ANKRD46: variants seen among roughly 807,000 people sequenced by gnomAD.
ANKRD46 encodes the protein ankyrin repeat domain 46.
ANKRD46 carries 13 observed loss-of-function variants against 19.8 expected under a neutral mutation model. The observed-to-expected ratio is 0.66, with a 90% CI of 0.43 to 1.04. ANKRD46 has a LOEUF of 1.04. ANKRD46 is among the 50% of genes least tolerant of loss of function. The pLI is 0.00. For synonymous variants in ANKRD46, 91 were observed against 106.9 expected (o/e 0.85, Z 0.92); for missense variants, 185 against 274.8 (o/e 0.67, Z 2.31).
At chr8:100,528,693 C>T (rs144115879) in intron 3 of ANKRD46, among the ~76,000 whole-genome samples, 33 of 152,212 alleles carry the variant, frequency 2.2e-4, no homozygotes, top group Middle Eastern at 3.4e-3. Context: ...GTTCACGCAG[C>T]TATTTAGCGC....
rs1812361729 is a variant in ANKRD46 at position 100,550,489 on chromosome 8, T to C, written c.-131+9222A>G. 1 of 155,450 alleles carries C rather than the reference T, an allele frequency of 6.4e-6. No individual in the cohort carries two copies. The highest frequency in any genetic ancestry group is 1.4e-5 in the Non-Finnish European group (1 of 70,650). The allele number at this position is 155,450 out of a possible 1,614,324, so 9.6% of individuals were successfully genotyped here. A position where few individuals can be genotyped will look rare whatever the true frequency, so the allele number is the denominator to read the frequency against. ...CTGTGATGAGGTGTCCATTAAGATC[T>C]TTGGCTCATTTTTAAAATCAGGTTG... On this transcript the variant is annotated intron_variant, in intron 1 of 4. Transcript: ENST00000335659. The surrounding 1 kb of genome is among the most constrained non-coding windows in gnomAD (Gnocchi z 4.4).
intron 3 of ANKRD46, 128 bp from the exon 4 acceptor site, chr8:100,528,131 T>G: frequency 2.3e-4 from 217 of 946,728 alleles, no homozygotes; most frequent in Middle Eastern, 3.6e-4. Flanking sequence ...TGGGCCCAAT[T>G]AGGGCCTACC....
chr8:100,557,915 T>C lies in ANKRD46; in HGVS notation c.-131+1796A>G, dbSNP rs1812532772. On this transcript the variant is annotated intron_variant, in intron 1 of 4. Coordinates refer to ENST00000335659, the MANE Select transcript of ANKRD46 (RefSeq NM_001270377.2). The surrounding 1 kb of genome is among the most constrained non-coding windows in gnomAD (Gnocchi z 5.9). ...CTTTATTTTTATTCCTAGTAACTGTTACCATCTGACTCCAGATACGTTAAC... is the reference window on the plus strand; with the variant it reads ...CTTTATTTTTATTCCTAGTAACTGTCACCATCTGACTCCAGATACGTTAAC... Among the ~76,000 whole-genome samples the C allele has an allele frequency of 6.6e-6, 1 of 152,188 alleles. No individual in the cohort carries two copies. The highest frequency in any genetic ancestry group is 2.1e-4 in the South Asian group (1 of 4,828).
chr8:100,530,480 T>G (rs1324419959), intron 2 of ANKRD46, among the ~76,000 whole-genome samples: 2 of 151,256 alleles, frequency 1.3e-5, no homozygotes, highest in Non-Finnish European at 2.9e-5. Flanking sequence ...ATCTCCCGAG[T>G]TCAAGCGATT....
rs1399059540 is a variant in ANKRD46, at chr8:100,529,365, C to T, written c.311+158G>A. ...AAAATCTAGAAGTCAGCCCCTCATTCCCTCACTTGCCTAACAGGATTACAC... is the reference window on the plus strand; with the variant it reads ...AAAATCTAGAAGTCAGCCCCTCATTTCCTCACTTGCCTAACAGGATTACAC... On this transcript the variant is annotated intron_variant, in intron 3 of 4. Transcript: ENST00000335659. This position sits in a 1 kb window ranked among gnomAD's most constrained non-coding sequence, Gnocchi z 5.8. 6.6e-6 allele frequency among the ~76,000 whole-genome samples: 1 copy of T among 152,208 alleles called. No homozygotes were observed. Among genetic ancestry groups the T allele is most frequent in the Non-Finnish European group, 1.5e-5 (1 of 68,034 alleles).
chr8:100,513,683 C>T (rs1811584045), intron 5 of ANKRD46, among the ~76,000 whole-genome samples: 1 of 152,140 alleles, frequency 6.6e-6, no homozygotes, highest in Admixed American at 6.5e-5. Context: ...AATATGACTG[C>T]CTTTCCCCCA....
In ANKRD46 at chr8:100,537,159, A is replaced by G. The variant is rs1563486877; in HGVS notation, c.-130-3848T>C. ...ATAATAGTATTCTTAATGGTTAAGG[A>G]CTAATGGAGAGAATATATATACTTA... is the stretch of plus-strand genomic sequence containing the variant. On this transcript the variant is annotated intron_variant, in intron 1 of 4. Transcript: ENST00000335659. The surrounding 1 kb of genome is among the most constrained non-coding windows in gnomAD (Gnocchi z 4.2). Among the ~76,000 whole-genome samples the G allele has an allele frequency of 1.3e-5, 2 of 152,208 alleles. No individual in the cohort carries two copies. The highest frequency in any genetic ancestry group is 2.9e-5 in the Non-Finnish European group (2 of 68,030).
chr8:100,555,272 A>AT (rs1812470681), intron 1 of ANKRD46, among the ~76,000 whole-genome samples: 1 of 151,872 alleles, frequency 6.6e-6, no homozygotes. Context: ...TAAAAAAAAA[A>AT]CCAAAAGAAA....
At position 100,550,730 on chromosome 8, in the gene ANKRD46, CTT is replaced by C. The variant is rs1340582859; in HGVS notation, c.-131+8979_-131+8980del. The C allele has an allele frequency of 2.4e-5, 10 of 409,352 alleles. No individual in the cohort carries two copies. The highest frequency in any genetic ancestry group is 3.8e-5 in the Non-Finnish European group (8 of 211,408). The allele number at this position is 409,352 out of a possible 1,614,324, so 25.4% of individuals were successfully genotyped here. On this transcript the variant is annotated intron_variant, in intron 1 of 4. Coordinates refer to ENST00000335659, the MANE Select transcript of ANKRD46 (RefSeq NM_001270377.2). This position sits in a 1 kb window ranked among gnomAD's most constrained non-coding sequence, Gnocchi z 4.4. ...GGCTGGTTGTCGAGCAGTCTTACTC[CTT>C]GGAGGCCATATGGGCCACCACCCTG...
downstream of ANKRD46, among the ~76,000 whole-genome samples, chr8:100,519,849 C>A (rs1197019134): frequency 6.6e-6 from 1 of 151,902 alleles, no homozygotes; most frequent in Non-Finnish European, 1.5e-5. Flanking sequence ...CAGCTTGTTG[C>A]GGGGGATGCA....
At chr8:100,542,505 T>C (rs1008702365) in intron 1 of ANKRD46, among the ~76,000 whole-genome samples, 1 of 152,050 alleles carries the variant, frequency 6.6e-6, no homozygotes, top group Admixed American at 6.6e-5. Context: ...AGACCCTTGG[T>C]AGAAAGGGAA....
chr8:100,551,893 T>C (rs1005229005), intron 1 of ANKRD46, among the ~76,000 whole-genome samples: 3 of 152,208 alleles, frequency 2.0e-5, no homozygotes, highest in Non-Finnish European at 2.9e-5. Context: ...CTCACACCTA[T>C]AATCCCAGCA....
rs1010102592 is a variant in ANKRD46, at chr8:100,521,530, C to T, written c.*1025G>A. On this transcript the variant is annotated 3_prime_UTR_variant, in exon 5 of 5. Transcript: ENST00000335659. The stretch of plus-strand genomic sequence containing the variant: ...AGAGTTTATGACACCCAGTACGATA[C>T]TGTCCAGCACTGTTAACTCAGAAAT... The T allele has an allele frequency of 7.1e-6, 7 of 985,314 alleles. No homozygotes were observed. The African/African-American group carries it at 1.2e-4, about 17-fold the overall frequency. The allele number at this position is 985,314 out of a possible 1,614,324, so 61.0% of individuals were successfully genotyped here. A position where few individuals can be genotyped will look rare whatever the true frequency, so the allele number is the denominator to read the frequency against.
Position 100,522,981 on chromosome 8 carries a change from T to A in ANKRD46, c.471-210A>T, listed in dbSNP as rs1189295795. 3.3e-5 allele frequency among the ~76,000 whole-genome samples: 5 copies of A among 151,778 alleles called. No individual in the cohort carries two copies. The East Asian group carries it at 9.7e-4, about 29-fold the overall frequency. On this transcript the variant is annotated intron_variant, in intron 4 of 4. Transcript: ENST00000335659. ...TAAACTGTAAATTGCTAAATGGTAATGAGTATGTTTCTCTTGGTTTAGAAT... is the reference window on the plus strand; with the variant it reads ...TAAACTGTAAATTGCTAAATGGTAAAGAGTATGTTTCTCTTGGTTTAGAAT...
In ANKRD46 at chr8:100,527,890, C is replaced by A. The variant is rs772822860; in HGVS notation, c.425G>T (p.Gly142Val). 6.2e-7 allele frequency: 1 copy of A among 1,613,458 alleles called. No homozygotes were observed. Among genetic ancestry groups the A allele is most frequent in the South Asian group, 1.1e-5 (1 of 91,042 alleles). ...CATGGTCTCCAGTTTCGAGTGGGTTCCTCTGTTAAATCCTTTCACCTCCTG... is the reference window on the plus strand; with the variant it reads ...CATGGTCTCCAGTTTCGAGTGGGTTACTCTGTTAAATCCTTTCACCTCCTG... The part of the protein sequence containing the change: ...EEQEVKGFNR[G>V]THSKLETMQT... The change falls in exon 4 of 5, where the codon GGA becomes GTA. Residue 142 changes from glycine to valine, a missense_variant. Transcript: ENST00000335659. This position sits in a 1 kb window ranked among gnomAD's most constrained non-coding sequence, Gnocchi z 4.0.
chr8:100,552,653 T>C (rs1438991928), intron 1 of ANKRD46, among the ~76,000 whole-genome samples: 1 of 152,206 alleles, frequency 6.6e-6, no homozygotes, highest in Non-Finnish European at 1.5e-5. Flanking sequence ...ACCAGTCCAA[T>C]AAAACTCTTT....
At chr8:100,516,626 G>T (rs902069648), downstream of ANKRD46, among the ~76,000 whole-genome samples, 1 of 152,128 alleles carries the variant, frequency 6.6e-6, no homozygotes, top group African/African-American at 2.4e-5. Flanking sequence ...TCATAATGAC[G>T]TACATTACAG....
chr8:100,550,925 G>T lies in ANKRD46; in HGVS notation c.-131+8786C>A. ...CCAAGATGCCCTTGAGGGGCCCTCT[G>T]ACGCCTGCTTCACCACCTTTTTGAT... On this transcript the variant is annotated intron_variant, in intron 1 of 4. Coordinates refer to ENST00000335659, the MANE Select transcript of ANKRD46 (RefSeq NM_001270377.2). The surrounding 1 kb of genome is among the most constrained non-coding windows in gnomAD (Gnocchi z 4.4). The T allele has an allele frequency of 1.7e-6, 1 of 602,330 alleles. No homozygotes were observed. The highest frequency in any genetic ancestry group is 4.3e-5 in the East Asian group (1 of 23,408). The allele number at this position is 602,330 out of a possible 1,614,324, so 37.3% of individuals were successfully genotyped here.
intron 5 of ANKRD46, among the ~76,000 whole-genome samples, chr8:100,515,225 A>C (rs571844232): frequency 5.9e-5 from 9 of 152,332 alleles, no homozygotes; most frequent in African/African-American, 2.2e-4. Flanking sequence ...ATGAGCTTGA[A>C]TATATAATTG....
Sources: allele counts gnomAD v4.1 joint callset (sites outside exome capture counted in the v4.1 genomes callset), GRCh38; gene constraint gnomAD v4.1.1; non-coding constraint Gnocchi (gnomAD v3.1); transcripts MANE v1.5; gene names NCBI Gene and HGNC (gene_info 2026-07-23, HGNC 2026-07-21).